The following SDCBP variants were observed in gnomAD, a reference collection of about 807,000 sequenced individuals.
The protein encoded by SDCBP is syndecan binding protein.
A neutral mutation model predicts 30.5 loss-of-function variants in SDCBP; 22 were observed. The observed-to-expected ratio is 0.72, with a 90% CI of 0.52 to 1.03. SDCBP has a LOEUF of 1.03. SDCBP is among the 50% of genes least tolerant of loss of function. The probability of loss-of-function intolerance (pLI) is 0.00; values close to 1 mark genes in which losing one functional copy is unlikely to be tolerated. For synonymous variants in SDCBP, 103 were observed against 118.7 expected (o/e 0.87, Z 0.86); for missense variants, 304 against 369.9 (o/e 0.82, Z 1.46).
At chr8:58,562,632 G>C (rs1804498791) in intron 1 of SDCBP, among the ~76,000 whole-genome samples, 1 of 152,066 alleles carries the variant, frequency 6.6e-6, no homozygotes, top group African/African-American at 2.4e-5. Flanking sequence ...TTTCCACATG[G>C]ATAATAATGA....
chr8:58,564,791 G>C (rs1804616206), intron 1 of SDCBP, among the ~76,000 whole-genome samples: 1 of 152,152 alleles, frequency 6.6e-6, no homozygotes. Context: ...ATCGGTGATG[G>C]ATATAGTTCA....
At chr8:58,564,641 C>T (rs1186315375) in intron 1 of SDCBP, among the ~76,000 whole-genome samples, 1 of 152,104 alleles carries the variant, frequency 6.6e-6, no homozygotes, top group Admixed American at 6.5e-5. Flanking sequence ...TGTGTAATGC[C>T]CAAGGGCATT....
chr8:58,565,171 C>G, intron 2 of SDCBP, 87 bp downstream of exon 2: 1 of 587,932 alleles, frequency 1.7e-6, no homozygotes, highest in Admixed American at 3.3e-5. Context: ...AGCTAAATAG[C>G]AGATATATTT....
chr8:58,578,159 G>C lies in SDCBP; in HGVS notation c.529G>C (p.Val177Leu), dbSNP rs145153031. The change falls in exon 6 of 9, where the codon GTG becomes CTG. Residue 177 changes from valine (V) to leucine (L), a missense_variant. Physicochemically the swap from Val to Leu is conservative, Grantham distance 32. Transcript: ENST00000260130. ...ATGGAGCTCTGATAAAGCGCACAAG[G>C]TGCTCAAACAGGCTTTTGGAGAGAA... ...AGWSSDKAHK[V>L]LKQAFGEKIT... 6.2e-7 allele frequency: 1 copy of C among 1,605,262 alleles called. No individual in the cohort carries two copies. Among genetic ancestry groups the C allele is most frequent in the African/African-American group, 1.3e-5 (1 of 74,330 alleles).
Position 58,565,048 on chromosome 8 carries a change from ATC to A in SDCBP, c.20_21del (p.Leu7ArgfsTer56), listed in dbSNP as rs768626642. The A allele has an allele frequency of 6.3e-7, 1 of 1,591,246 alleles. No homozygotes were observed. The highest frequency in any genetic ancestry group is 1.1e-5 in the South Asian group (1 of 88,214). MSLYP[S>X]LEDLKVDKVI... ...ATCCTGCAAAAATGTCTCTCTATCC[ATC>A]TCTCGAAGACTTGAAGGTAGACAAA... On this transcript the variant is annotated frameshift_variant, in exon 2 of 9. Coordinates refer to ENST00000260130, the MANE Select transcript of SDCBP (RefSeq NM_005625.4). LOFTEE classifies it high-confidence loss of function.
Position 58,565,037 on chromosome 8 carries a change from T to A in SDCBP, c.4T>A (p.Ser2Thr). Reference protein sequence around the residue: MSLYPSLEDLKV... With the variant: MTLYPSLEDLKV... ...TCTTTAGAAGAATCCTGCAAAAATG[T>A]CTCTCTATCCATCTCTCGAAGACTT... Residue 2 changes from serine to threonine, a missense_variant, in exon 2 of 9, where the codon TCT becomes ACT. Coordinates refer to ENST00000260130, the MANE Select transcript of SDCBP (RefSeq NM_005625.4). 6.3e-7 allele frequency: 1 copy of A among 1,586,452 alleles called. No individual in the cohort carries two copies. Among genetic ancestry groups the A allele is most frequent in the Non-Finnish European group, 8.6e-7 (1 of 1,162,462 alleles).
At chr8:58,575,003 C>G (rs1805243281) in intron 4 of SDCBP, among the ~76,000 whole-genome samples, 1 of 152,124 alleles carries the variant, frequency 6.6e-6, no homozygotes. Flanking sequence ...TACACTTTGA[C>G]CAACATTTTT....
intron 3 of SDCBP, among the ~76,000 whole-genome samples, chr8:58,571,637 TAACTACTAATA>T (rs557722416): frequency 1.1e-3 from 175 of 152,300 alleles, no homozygotes; most frequent in African/African-American, 4.1e-3. Flanking sequence ...AAATAGTATA[TAACTACTAATA>T]AGTGAAATAA....
At chr8:58,554,767 A>G (rs1318743252) in intron 1 of SDCBP, among the ~76,000 whole-genome samples, 2 of 152,240 alleles carry the variant, frequency 1.3e-5, no homozygotes, top group African/African-American at 2.4e-5. Flanking sequence ...GATTCTAAAA[A>G]AGAAAAGCGC....
intron 5 of SDCBP, 142 bp from the exon 6 acceptor site, chr8:58,577,891 T>C (rs955616896): frequency 2.8e-5 from 18 of 634,540 alleles, no homozygotes; most frequent in African/African-American, 2.1e-4. Flanking sequence ...TATACTCATA[T>C]AGTTTTTCCT....
chr8:58,567,980 G>A (rs765718718), intron 2 of SDCBP, among the ~76,000 whole-genome samples: 1 of 152,126 alleles, frequency 6.6e-6, no homozygotes, highest in Non-Finnish European at 1.5e-5. Flanking sequence ...GTGAGTGAGC[G>A]GTGAGTGAAT....
intron 1 of SDCBP, among the ~76,000 whole-genome samples, chr8:58,556,051 C>T (rs1198286364): frequency 6.6e-6 from 1 of 152,124 alleles, no homozygotes; most frequent in Non-Finnish European, 1.5e-5. Flanking sequence ...GCAACATCTT[C>T]GAATTCAACT....
chr8:58,571,183 A>C (rs996025607), intron 3 of SDCBP, among the ~76,000 whole-genome samples: 2 of 152,320 alleles, frequency 1.3e-5, no homozygotes, highest in Admixed American at 1.3e-4. Context: ...TCATGGCTTA[A>C]TGAAAATTAA....
intron 1 of SDCBP, among the ~76,000 whole-genome samples, chr8:58,556,394 G>T (rs1472676893): frequency 2.0e-5 from 3 of 152,170 alleles, no homozygotes; most frequent in Admixed American, 2.0e-4. Flanking sequence ...GCTGTGGGTG[G>T]CCTGGTTCCC....
chr8:58,572,107 TAA>T, intron 3 of SDCBP, 96 bp from the exon 4 acceptor site: 1 of 689,254 alleles, frequency 1.5e-6, no homozygotes, highest in African/African-American at 1.8e-5. Flanking sequence ...TTTTATAACT[TAA>T]GTGTAATTTT....
chr8:58,572,471 GT>G (rs1402815478), intron 4 of SDCBP, among the ~76,000 whole-genome samples, 157 bp downstream of exon 4: 1 of 152,004 alleles, frequency 6.6e-6, no homozygotes, highest in East Asian at 1.9e-4. Flanking sequence ...TTCTTATATA[GT>G]CTACTTCATT....
chr8:58,555,341 C>T (rs1322069370), intron 1 of SDCBP, among the ~76,000 whole-genome samples: 2 of 152,168 alleles, frequency 1.3e-5, no homozygotes, highest in African/African-American at 2.4e-5. Context: ...TACTAGTTTA[C>T]GCTCCCATTA....
intron 1 of SDCBP, among the ~76,000 whole-genome samples, chr8:58,556,830 CAT>C (rs369316993): frequency 2.8e-5 from 4 of 143,000 alleles, no homozygotes; most frequent in African/African-American, 7.7e-5. Flanking sequence ...TATATAAATA[CAT>C]ATATATATAA....
intron 4 of SDCBP, among the ~76,000 whole-genome samples, chr8:58,572,619 G>GT (rs1333882402): frequency 6.6e-6 from 1 of 151,794 alleles, no homozygotes; most frequent in African/African-American, 2.4e-5. Context: ...CATTTTATCT[G>GT]TTTTTTATCC....
Sources: allele counts gnomAD v4.1 joint callset (sites outside exome capture counted in the v4.1 genomes callset), GRCh38; gene constraint gnomAD v4.1.1; transcripts MANE v1.5; gene names NCBI Gene and HGNC (gene_info 2026-07-23, HGNC 2026-07-21).